TDP1: variants seen among roughly 807,000 people sequenced by gnomAD.
TDP1 encodes tyrosyl-DNA phosphodiesterase 1.
TDP1 carries 64 observed loss-of-function variants against 81.5 expected under a neutral mutation model. That is an observed-to-expected ratio of 0.79 (90% CI 0.64 to 0.97). The LOEUF (loss-of-function observed/expected upper bound fraction) is 0.97. Ranked by LOEUF, TDP1 falls within the 50% of genes least tolerant of loss-of-function variation. The probability of loss-of-function intolerance (pLI) is 0.00; values close to 1 mark genes in which losing one functional copy is unlikely to be tolerated. For missense variants in TDP1, 723 were observed against 743.8 expected, an observed-to-expected ratio of 0.97 and a Z score of 0.33; for synonymous variants, 256 against 264.3, an observed-to-expected ratio of 0.97 and a Z score of 0.30.
rs1395635453 is a variant in TDP1, at chr14:89,980,605, A to G, written c.857A>G (p.His286Arg). The G allele has an allele frequency of 1.9e-6, 3 of 1,614,184 alleles. No individual in the cohort carries two copies. Among genetic ancestry groups the G allele is most frequent in the East Asian group, 2.2e-5 (1 of 44,882 alleles). ...GTCATACACACCTCCAACCTCATCC[A>G]TGCTGACTGGCACCAGAAAACTCAA... is the stretch of plus-strand genomic sequence containing the variant. ...RVVIHTSNLIHADWHQKTQGI... is the reference protein window; with the variant it reads ...RVVIHTSNLIRADWHQKTQGI... The change falls in exon 8 of 17, where the codon CAT becomes CGT. Residue 286 changes from histidine to arginine, a missense_variant. Coordinates refer to ENST00000335725, the MANE Select transcript of TDP1 (RefSeq NM_018319.4).
At chr14:90,039,625 TA>T in intron 16 of TDP1, among the ~76,000 whole-genome samples, 1 of 151,956 alleles carries the variant, frequency 6.6e-6, no homozygotes, top group South Asian at 2.1e-4. Context: ...AAGACCTTAT[TA>T]CCTGGCTAAA....
chr14:89,992,022 G>T, intron 13 of TDP1, 39 bp downstream of exon 13: 1 of 1,549,766 alleles, frequency 6.5e-7, no homozygotes. Flanking sequence ...TGCTTCTTTA[G>T]GAATTAGAGT....
At chr14:90,012,133 G>C (rs938640353) in intron 14 of TDP1, among the ~76,000 whole-genome samples, 3 of 152,180 alleles carry the variant, frequency 2.0e-5, no homozygotes, top group Non-Finnish European at 4.4e-5. Flanking sequence ...GCTTCAGAGG[G>C]TGCAAGCCCC....
chr14:89,986,427 CAGTA>C (rs1414164191), intron 10 of TDP1, among the ~76,000 whole-genome samples: 1 of 152,218 alleles, frequency 6.6e-6, no homozygotes, highest in Non-Finnish European at 1.5e-5. Context: ...ACAGGGCACA[CAGTA>C]AGTCTTCAGT....
intron 15 of TDP1, chr14:90,023,061 G>C: frequency 1.3e-6 from 1 of 762,750 alleles, no homozygotes; most frequent in Non-Finnish European, 2.4e-6. Flanking sequence ...AGGATGAAGT[G>C]GAGGCTTCGT....
chr14:90,040,510 A>T (rs991146750), intron 16 of TDP1, among the ~76,000 whole-genome samples: 2 of 152,056 alleles, frequency 1.3e-5, no homozygotes, highest in Non-Finnish European at 2.9e-5. Flanking sequence ...TCAGAACTCC[A>T]CCTCTGTGGC....
chr14:90,035,733 CTTTT>C (rs543354253), intron 16 of TDP1, among the ~76,000 whole-genome samples: 1 of 139,044 alleles, frequency 7.2e-6, no homozygotes, highest in Non-Finnish European at 1.5e-5. Flanking sequence ...CCTTTTCTTC[CTTTT>C]TTTTTTTTTT....
chr14:89,967,465 G>A, intron 5 of TDP1, 43 bp downstream of exon 5: 4 of 1,520,002 alleles, frequency 2.6e-6, no homozygotes, highest in Non-Finnish European at 3.7e-6. Context: ...AACTGTAAAG[G>A]GGCTTTGACA....
At chr14:90,027,431 A>G (rs77514969) in intron 15 of TDP1, among the ~76,000 whole-genome samples, 5,913 of 151,714 alleles carry the variant, frequency 0.039, 378 homozygotes, top group African/African-American at 0.13. Flanking sequence ...TGTGACATCA[A>G]GGTCCACTGT....
intron 15 of TDP1, chr14:90,032,814 G>A: frequency 1.0e-6 from 1 of 984,752 alleles, no homozygotes; most frequent in Non-Finnish European, 1.2e-6. Context: ...GGTTGAAATG[G>A]GCTATCATAT....
chr14:89,987,959 C>T (rs1414674780), intron 10 of TDP1, among the ~76,000 whole-genome samples: 1 of 152,166 alleles, frequency 6.6e-6, no homozygotes, highest in Non-Finnish European at 1.5e-5. Context: ...CTCCCTCAGA[C>T]ACCAGTTGCA....
chr14:90,019,423 G>A lies in TDP1; in HGVS notation c.1644+5G>A. 5 of 1,511,700 alleles carry A rather than the reference G, an allele frequency of 3.3e-6. No individual in the cohort carries two copies. The highest frequency in any genetic ancestry group is 4.6e-6 in the Non-Finnish European group (5 of 1,086,388). 93.6% of individuals were successfully genotyped at this position (1,511,700 alleles called of 1,614,324 possible). ...CTTTTCCTCCCTTCAGCATTTGTAA[G>A]TTTACACTTCCAACTGCACAGTGGG... On this transcript the variant is annotated splice_donor_5th_base_variant and intron_variant, in intron 15 of 16. Transcript: ENST00000335725.
chr14:89,989,656 T>G, intron 11 of TDP1, 61 bp from the exon 12 acceptor site: 2 of 1,345,664 alleles, frequency 1.5e-6, no homozygotes, highest in Non-Finnish European at 2.1e-6. Flanking sequence ...AAAAGCTGAT[T>G]ATCATTCCTT....
intron 5 of TDP1, among the ~76,000 whole-genome samples, chr14:89,968,626 C>T (rs949290591): frequency 2.6e-5 from 4 of 152,200 alleles, no homozygotes; most frequent in African/African-American, 9.7e-5. Context: ...CTGAATTAGC[C>T]TTTTGTTAGG....
chr14:90,015,488 G>T (rs982036210), intron 14 of TDP1, among the ~76,000 whole-genome samples: 2 of 152,236 alleles, frequency 1.3e-5, no homozygotes, highest in Admixed American at 6.5e-5. Flanking sequence ...ACTGCCAAAT[G>T]AGCAACATAT....
At chr14:89,970,402 C>T (rs148663026) in intron 5 of TDP1, among the ~76,000 whole-genome samples, 84 of 152,260 alleles carry the variant, frequency 5.5e-4, no homozygotes, top group African/African-American at 1.9e-3. Flanking sequence ...CTGTTGTATC[C>T]TGGGTCTAGC....
chr14:89,956,518 T>G (rs972876738), intron 1 of TDP1, 60 bp from the exon 2 acceptor site: 1 of 152,392 alleles, frequency 6.6e-6, no homozygotes, highest in Non-Finnish European at 1.5e-5. Context: ...ATCTGCTCCG[T>G]CCCCAACGCC....
At position 89,969,658 on chromosome 14, in the gene TDP1, C is replaced by T. The variant is rs545564743; in HGVS notation, c.660-1517C>T. Among the ~76,000 whole-genome samples the T allele has an allele frequency of 6.6e-5, 10 of 151,952 alleles. No homozygotes were observed. In the South Asian group the frequency reaches 2.1e-3, roughly 32 times the overall value. Reference sequence around the variant, plus strand: ...TGCGTGTTTCATAGTTTCATTTTACCTGTCATGTTAGAATAAAGCTATTGG... The same window carrying T: ...TGCGTGTTTCATAGTTTCATTTTACTTGTCATGTTAGAATAAAGCTATTGG... On this transcript the variant is annotated intron_variant, in intron 5 of 16. Transcript: ENST00000335725.
At chr14:90,036,179 TAA>T (rs1887797740) in intron 16 of TDP1, among the ~76,000 whole-genome samples, 1 of 152,068 alleles carries the variant, frequency 6.6e-6, no homozygotes, top group Non-Finnish European at 1.5e-5. Flanking sequence ...TTTTAAAAAA[TAA>T]AGATACATAC....
Sources: gnomAD v4.1 joint callset for allele counts (sites outside exome capture counted in the v4.1 genomes callset) on GRCh38, gnomAD v4.1.1 for gene constraint, MANE v1.5 for transcripts, NCBI Gene and HGNC (gene_info 2026-07-23, HGNC 2026-07-21) for gene names.